VCAM1: variants seen among roughly 807,000 people sequenced by gnomAD.
VCAM1 encodes vascular cell adhesion molecule 1.
VCAM1 carries 41 observed loss-of-function variants against 63.8 expected under a neutral mutation model. The observed-to-expected ratio is 0.64, with a 90% confidence interval of 0.50 to 0.83. VCAM1 has a LOEUF of 0.83. VCAM1 is among the 40% of genes least tolerant of loss of function. The pLI, the probability that VCAM1 is intolerant of heterozygous loss-of-function variation, is 0.00. For synonymous variants in VCAM1, 338 were observed against 320.7 expected, an observed-to-expected ratio of 1.05 and a Z score of -0.58; for missense variants, 798 against 875.5, an observed-to-expected ratio of 0.91 and a Z score of 1.12.
chr1:100,731,519 G>C lies in VCAM1; in HGVS notation c.1525+1G>C, dbSNP rs1557906139. ...AGTACGCAAACACTTTATGTCAATG[G>C]TAAGTACATATGTGAGGTATCTACA... On this transcript the variant is annotated splice_donor_variant, in intron 6 of 8. Transcript: ENST00000294728. LOFTEE classifies it high-confidence loss of function. The surrounding 1 kb of genome is among the most constrained non-coding windows in gnomAD (Gnocchi z 4.2). The C allele has an allele frequency of 6.2e-7, 1 of 1,611,356 alleles. No homozygotes were observed. The highest frequency in any genetic ancestry group is 8.5e-7 in the Non-Finnish European group (1 of 1,178,744).
At position 100,731,050 on chromosome 1, in the gene VCAM1, A is replaced by G. The variant is rs1458210297; in HGVS notation, c.1205-148A>G. 2 of 660,800 alleles carry G rather than the reference A, an allele frequency of 3.0e-6. No individual in the cohort carries two copies. Among genetic ancestry groups the G allele is most frequent in the African/African-American group, 1.8e-5 (1 of 54,752 alleles). 40.9% of individuals were successfully genotyped at this position (660,800 alleles called of 1,614,324 possible). ...ATATAATATCATAAATATGTCATTT[A>G]TAAATACTGTCATTACTTATATATT... On this transcript the variant is annotated intron_variant, in intron 5 of 8. Transcript: ENST00000294728. This position sits in a 1 kb window ranked among gnomAD's most constrained non-coding sequence, Gnocchi z 4.2.
At chr1:100,720,224 A>C (rs1456581196) in intron 1 of VCAM1, among the ~76,000 whole-genome samples, 1 of 152,074 alleles carries the variant, frequency 6.6e-6, no homozygotes, top group African/African-American at 2.4e-5. Flanking sequence ...AATGAGGTCA[A>C]ACTTAGCAAA....
intron 7 of VCAM1, 104 bp downstream of exon 7, chr1:100,732,788 G>A (rs1216143976): frequency 1.5e-6 from 2 of 1,292,408 alleles, no homozygotes; most frequent in Admixed American, 2.7e-5. Flanking sequence ...CTACAAAAGT[G>A]TGATGAGGGT....
At chr1:100,723,394 G>A in intron 3 of VCAM1, 54 bp downstream of exon 3, 1 of 1,534,558 alleles carries the variant, frequency 6.5e-7, no homozygotes, top group Non-Finnish European at 8.8e-7. Context: ...CCTTGGTTGT[G>A]TATAGCAATA....
At chr1:100,728,712 G>A (rs1224469652) in intron 4 of VCAM1, among the ~76,000 whole-genome samples, 2 of 77,682 alleles carry the variant, frequency 2.6e-5, no homozygotes, top group Admixed American at 1.5e-4. Context: ...AGGATTAAAT[G>A]AGAATATATA....
In VCAM1 at chr1:100,734,339, A is replaced by C. The variant is rs867714924; in HGVS notation, c.1793-163A>C. 4.6e-5 allele frequency among the ~76,000 whole-genome samples: 7 copies of C among 152,360 alleles called. 1 individual carries two copies. Among genetic ancestry groups the C allele is most frequent in the Middle Eastern group, 3.4e-3 (1 of 294 alleles). ...TCTTAGTTAAAACATGATCATTTCC[A>C]ACAATCCAGCAATGCTTGACTTCTT... is the stretch of plus-strand genomic sequence containing the variant. On this transcript the variant is annotated intron_variant, in intron 7 of 8. Transcript: ENST00000294728.
rs747324339 is a variant in VCAM1, at chr1:100,732,668, G to A, written c.1776G>A (p.Val592=). 1.3e-6 allele frequency: 2 copies of A among 1,597,922 alleles called. No homozygotes were observed. The highest frequency in any genetic ancestry group is 1.7e-6 in the Non-Finnish European group (2 of 1,173,910). ...INQAGRSRKE[V]ELIIQVTPKD... ...AGGCTGGAAGAAGCAGAAAGGAAGTGGAATTAATTATCCAAGGTGAGCAGA... is the reference window on the plus strand; with the variant it reads ...AGGCTGGAAGAAGCAGAAAGGAAGTAGAATTAATTATCCAAGGTGAGCAGA... Residue 592 remains valine, a synonymous_variant, in exon 7 of 9, where the codon GTG becomes GTA. Transcript: ENST00000294728.
chr1:100,738,236 A>G lies in VCAM1; in HGVS notation c.2173A>G (p.Met725Val). Residue 725 changes from methionine (M) to valine (V), a missense_variant, in exon 9 of 9, where the codon ATG (methionine) becomes GTG (valine). By Grantham distance (21) the Met-to-Val change is conservative. Coordinates refer to ENST00000294728, the MANE Select transcript of VCAM1 (RefSeq NM_001078.4). ...MIIYFARKAN[M>V]KGSYSLVEAQ... Reference sequence around the variant, plus strand: ...AATTTACTTTGCAAGAAAAGCCAACATGAAGGGGTCATATAGTCTTGTAGA... The same window carrying G: ...AATTTACTTTGCAAGAAAAGCCAACGTGAAGGGGTCATATAGTCTTGTAGA... 6.2e-7 allele frequency: 1 copy of G among 1,613,814 alleles called. No individual in the cohort carries two copies. The highest frequency in any genetic ancestry group is 2.2e-5 in the East Asian group (1 of 44,832).
Position 100,738,161 on chromosome 1 carries a change from C to G in VCAM1, c.2098C>G (p.Leu700Val), listed in dbSNP as rs747347841. The G allele has an allele frequency of 1.5e-5, 25 of 1,613,552 alleles. No homozygotes were observed. In the East Asian group the frequency reaches 5.4e-4, roughly 35 times the overall value. ...NNKDYFSPEL[L>V]VLYFASSLII... The stretch of plus-strand genomic sequence containing the variant: ...CAAAGACTATTTTTCTCCTGAGCTT[C>G]TCGTGCTCTATTTTGCATCCTCCTT... The change falls in exon 9 of 9, where the codon CTC (leucine) becomes GTC (valine). Residue 700 changes from leucine (L) to valine (V), a missense_variant. Coordinates refer to ENST00000294728, the MANE Select transcript of VCAM1 (RefSeq NM_001078.4).
chr1:100,734,906 G>C (rs1191486038), intron 8 of VCAM1, 138 bp downstream of exon 8: 29 of 1,075,850 alleles, frequency 2.7e-5, no homozygotes, highest in Non-Finnish European at 3.8e-5. Context: ...GAAAAATCAA[G>C]CACAGCTGCT....
In VCAM1 at chr1:100,732,568, C is replaced by A. The variant is rs753019771; in HGVS notation, c.1676C>A (p.Ser559Tyr). 2.1e-5 allele frequency: 34 copies of A among 1,613,322 alleles called. No individual in the cohort carries two copies. The highest frequency in any genetic ancestry group is 6.6e-5 in the South Asian group (6 of 90,922). The change falls in exon 7 of 9, where the codon TCT becomes TAT. Residue 559 changes from serine to tyrosine, a missense_variant. Physicochemically the swap from Ser to Tyr is moderately radical, Grantham distance 144. Transcript: ENST00000294728. ...CCTAACGGGGAGCTACAGCCTCTTT[C>A]TGAGAATGCAACTCTCACCTTAATT... is the stretch of plus-strand genomic sequence containing the variant. ...QLPNGELQPL[S>Y]ENATLTLIST...
rs1416304389 is a variant in VCAM1, at chr1:100,720,596, A to G, written c.185A>G (p.Gln62Arg). The G allele has an allele frequency of 1.9e-6, 3 of 1,613,226 alleles. No homozygotes were observed. Among genetic ancestry groups the G allele is most frequent in the East Asian group, 2.2e-5 (1 of 44,826 alleles). ...CESPFFSWRT[Q>R]IDSPLNGKVT... Reference sequence around the variant, plus strand: ...TCCCCATTTTTCTCTTGGAGAACCCAGATAGATAGTCCACTGAATGGGAAG... The same window carrying G: ...TCCCCATTTTTCTCTTGGAGAACCCGGATAGATAGTCCACTGAATGGGAAG... The change falls in exon 2 of 9, where the codon CAG (glutamine) becomes CGG (arginine). Residue 62 changes from glutamine (Q) to arginine (R), a missense_variant. Gln to Arg is a conservative substitution (Grantham distance 43). Transcript: ENST00000294728.
Position 100,731,231 on chromosome 1 carries a change from G to A in VCAM1, c.1238G>A (p.Gly413Asp), listed in dbSNP as rs3783613. The change falls in exon 6 of 9, where the codon GGT becomes GAT. Residue 413 changes from glycine to aspartate, a missense_variant. Physicochemically the swap from Gly to Asp is moderately conservative, Grantham distance 94. Transcript: ENST00000294728. This position sits in a 1 kb window ranked among gnomAD's most constrained non-coding sequence, Gnocchi z 4.2. ...AGAGATCCAGAAATCGAGATGAGTG[G>A]TGGCCTCGTGAATGGGAGCTCTGTC... is the stretch of plus-strand genomic sequence containing the variant. Reference protein sequence around the residue: ...FPRDPEIEMSGGLVNGSSVTV... With the variant: ...FPRDPEIEMSDGLVNGSSVTV... 6.2e-6 allele frequency: 10 copies of A among 1,612,714 alleles called. No homozygotes were observed. Among genetic ancestry groups the A allele is most frequent in the East Asian group, 2.2e-5 (1 of 44,864 alleles).
At chr1:100,721,248 T>C (rs1353140021) in intron 2 of VCAM1, among the ~76,000 whole-genome samples, 3 of 152,156 alleles carry the variant, frequency 2.0e-5, no homozygotes, top group Non-Finnish European at 4.4e-5. Context: ...TTAGACATAA[T>C]TGTTAATATC....
intron 4 of VCAM1, among the ~76,000 whole-genome samples, chr1:100,725,829 A>T (rs1281638911): frequency 6.6e-6 from 1 of 152,046 alleles, no homozygotes; most frequent in East Asian, 1.9e-4. Flanking sequence ...TTACAATGTG[A>T]TGTTTGGTAT....
At chr1:100,729,759 C>T (rs1660365408) in intron 5 of VCAM1, among the ~76,000 whole-genome samples, 1 of 151,876 alleles carries the variant, frequency 6.6e-6, no homozygotes, top group Non-Finnish European at 1.5e-5. Context: ...TTTTAAGGCA[C>T]TGTTTTAAAG....
intron 8 of VCAM1, chr1:100,736,226 T>C (rs1404864178): frequency 6.6e-6 from 1 of 152,218 alleles, no homozygotes; most frequent in Non-Finnish European, 1.5e-5. Flanking sequence ...TACTTTTTAC[T>C]CATTATTTAA....
chr1:100,720,344 C>T, intron 1 of VCAM1, 132 bp from the exon 2 acceptor site: 1 of 1,247,004 alleles, frequency 8.0e-7, no homozygotes, highest in Admixed American at 2.5e-5. Context: ...TTTTGGCTAC[C>T]TTGCAGTTAG....
At chr1:100,720,780 C>G in intron 2 of VCAM1, 29 bp downstream of exon 2, 2 of 1,562,080 alleles carry the variant, frequency 1.3e-6, no homozygotes, top group Non-Finnish European at 1.7e-6. Flanking sequence ...CTTTGTTTTT[C>G]TCTCAATTTT....
Sources: allele counts gnomAD v4.1 joint callset (sites outside exome capture counted in the v4.1 genomes callset), GRCh38; gene constraint gnomAD v4.1.1; non-coding constraint Gnocchi (gnomAD v3.1); transcripts MANE v1.5; gene names NCBI Gene and HGNC (gene_info 2026-07-23, HGNC 2026-07-21).